The following EXOC6 variants were observed in gnomAD, a reference collection of about 807,000 sequenced individuals.
EXOC6 encodes SEC15-like 1.
A neutral mutation model predicts 112.5 loss-of-function variants in EXOC6; 60 were observed. The ratio of observed to expected loss-of-function variants is 0.53; its 90% CI spans 0.43 to 0.66. The LOEUF (loss-of-function observed/expected upper bound fraction) is 0.66. Among genes scored for constraint, EXOC6 ranks in the 30% least tolerant of loss-of-function variants. The pLI, the probability that EXOC6 is intolerant of heterozygous loss-of-function variation, is 0.00. For synonymous variants in EXOC6, 295 were observed against 308.0 expected, an observed-to-expected ratio of 0.96 and a Z score of 0.44; for missense variants, 855 against 957.1, an observed-to-expected ratio of 0.89 and a Z score of 1.41.
At chr10:93,031,957 C>T (rs568319432) in intron 20 of EXOC6, among the ~76,000 whole-genome samples, 5 of 152,316 alleles carry the variant, frequency 3.3e-5, no homozygotes, top group African/African-American at 1.2e-4. Flanking sequence ...CAATATAATA[C>T]ACTGCAAGAG....
At chr10:93,024,210 G>A (rs1844914868) in intron 20 of EXOC6, among the ~76,000 whole-genome samples, 1 of 152,106 alleles carries the variant, frequency 6.6e-6, no homozygotes, top group African/African-American at 2.4e-5. Flanking sequence ...AGTTTAGGTA[G>A]GTCAAATGAT....
chr10:93,026,345 C>T (rs371875407), intron 20 of EXOC6, among the ~76,000 whole-genome samples: 1 of 152,148 alleles, frequency 6.6e-6, no homozygotes, highest in Admixed American at 6.6e-5. Flanking sequence ...TATACTTCAG[C>T]CATCAGTGTA....
chr10:92,978,496 A>T (rs1842716206), intron 18 of EXOC6, among the ~76,000 whole-genome samples: 1 of 152,218 alleles, frequency 6.6e-6, no homozygotes, highest in South Asian at 2.1e-4. Context: ...AGCAAAAATA[A>T]TAAATTATTG....
At chr10:92,995,393 G>A (rs900504950) in intron 18 of EXOC6, among the ~76,000 whole-genome samples, 1 of 142,588 alleles carries the variant, frequency 7.0e-6, no homozygotes, top group African/African-American at 2.6e-5. Flanking sequence ...TGTACAGTGT[G>A]TTTGCTTATG....
chr10:92,893,443 T>G lies in EXOC6; in HGVS notation c.196T>G (p.Cys66Gly). 1 of 1,613,030 alleles carries G rather than the reference T, an allele frequency of 6.2e-7. No homozygotes were observed. The highest frequency in any genetic ancestry group is 8.5e-7 in the Non-Finnish European group (1 of 1,179,256). The change falls in exon 2 of 22, where the codon TGT (cysteine) becomes GGT (glycine). Residue 66 changes from cysteine (C) to glycine (G), a missense_variant. Coordinates refer to ENST00000260762, the MANE Select transcript of EXOC6 (RefSeq NM_019053.6). ...RNHDKEIEKMCNFHHQGFVDA... is the reference protein window; with the variant it reads ...RNHDKEIEKMGNFHHQGFVDA... ...TCATGACAAGGAAATTGAAAAGATG[T>G]GTAATTTTCATCATCAGGGTTTTGT...
At chr10:93,054,125 G>A (rs757352004) in intron 20 of EXOC6, among the ~76,000 whole-genome samples, 43 of 152,314 alleles carry the variant, frequency 2.8e-4, no homozygotes, top group Middle Eastern at 3.4e-3. Context: ...CTAGGATTCT[G>A]TGTGAATAGC....
intron 18 of EXOC6, among the ~76,000 whole-genome samples, chr10:92,980,040 G>T (rs1319947750): frequency 1.3e-5 from 2 of 151,972 alleles, no homozygotes; most frequent in African/African-American, 4.8e-5. Context: ...AGTATTGATA[G>T]AAATAACAAA....
At chr10:92,883,723 G>A (rs1849073200) in intron 1 of EXOC6, among the ~76,000 whole-genome samples, 1 of 152,088 alleles carries the variant, frequency 6.6e-6, no homozygotes, top group Non-Finnish European at 1.5e-5. Flanking sequence ...ATTTTTTATT[G>A]ATAGAAATGC....
chr10:92,915,658 G>A, intron 6 of EXOC6, 100 bp from the exon 7 acceptor site: 1 of 693,956 alleles, frequency 1.4e-6, no homozygotes, highest in Non-Finnish European at 2.2e-6. Flanking sequence ...TATACCTACA[G>A]ACATTAAAAA....
chr10:92,845,711 G>A (rs967346801), upstream of EXOC6, among the ~76,000 whole-genome samples: 6 of 152,086 alleles, frequency 3.9e-5, no homozygotes, highest in African/African-American at 1.2e-4. Flanking sequence ...GGCCGAGGCG[G>A]GCAGATCACC....
intron 20 of EXOC6, among the ~76,000 whole-genome samples, chr10:93,039,051 G>A (rs1005976095): frequency 2.0e-5 from 3 of 152,052 alleles, no homozygotes; most frequent in Non-Finnish European, 1.5e-5. Context: ...GGTCATGGTG[G>A]CTCATGCCTG....
At chr10:92,917,329 G>A (rs377740862) in intron 7 of EXOC6, among the ~76,000 whole-genome samples, 1 of 151,572 alleles carries the variant, frequency 6.6e-6, no homozygotes, top group East Asian at 1.9e-4. Flanking sequence ...ATTTCGTAAT[G>A]TCTTGTCATT....
Position 93,058,451 on chromosome 10 carries a change from C to A in EXOC6, c.*96C>A. ...TGATACAGTAATTTGTTTACAGAATCCAAAAATACAATAGAGAAGATACAT... is the reference window on the plus strand; with the variant it reads ...TGATACAGTAATTTGTTTACAGAATACAAAAATACAATAGAGAAGATACAT... On this transcript the variant is annotated 3_prime_UTR_variant, in exon 22 of 22. Coordinates refer to ENST00000260762, the MANE Select transcript of EXOC6 (RefSeq NM_019053.6). The A allele has an allele frequency of 6.7e-6, 7 of 1,039,684 alleles. No homozygotes were observed. The highest frequency in any genetic ancestry group is 9.2e-6 in the Non-Finnish European group (7 of 757,156). The allele number at this position is 1,039,684 out of a possible 1,614,324, so 64.4% of individuals were successfully genotyped here.
At chr10:92,948,554 T>TTACTACTACTACTACTACCACTAC (rs1252050191) in intron 14 of EXOC6, among the ~76,000 whole-genome samples, 175 bp downstream of exon 14, 2 of 126,316 alleles carry the variant, frequency 1.6e-5, no homozygotes, top group Admixed American at 8.4e-5. Context: ...GAGTATGTTA[T>TTACTACTACTACTACTACCACTAC]TACTACTACT....
At chr10:92,864,650 G>A (rs1172164599) in intron 1 of EXOC6, among the ~76,000 whole-genome samples, 3 of 117,836 alleles carry the variant, frequency 2.5e-5, no homozygotes, top group African/African-American at 1.1e-4. Flanking sequence ...AATCCACTGA[G>A]GCCTCAAATG....
chr10:92,948,573 C>CCCTACTACT (rs1554900785), intron 14 of EXOC6, among the ~76,000 whole-genome samples, 194 bp downstream of exon 14: 4 of 140,174 alleles, frequency 2.9e-5, no homozygotes, highest in African/African-American at 1.1e-4. Context: ...CTACTACTAC[C>CCCTACTACT]ACTACTACTA....
chr10:93,022,790 T>G (rs1010585123), intron 20 of EXOC6, among the ~76,000 whole-genome samples: 1 of 124,860 alleles, frequency 8.0e-6, no homozygotes, highest in African/African-American at 2.8e-5. Context: ...GTGATAAAAG[T>G]TTTTTTTTTA....
At chr10:92,919,550 T>C (rs1210768409) in intron 7 of EXOC6, among the ~76,000 whole-genome samples, 1 of 152,158 alleles carries the variant, frequency 6.6e-6, no homozygotes, top group African/African-American at 2.4e-5. Flanking sequence ...ATACTGATAG[T>C]GTCTTTAATT....
At chr10:93,013,858 A>G (rs894915007) in intron 19 of EXOC6, among the ~76,000 whole-genome samples, 3 of 152,206 alleles carry the variant, frequency 2.0e-5, no homozygotes, top group Admixed American at 1.3e-4. Flanking sequence ...TGCTTCTACA[A>G]TCGTTCACCT....
Sources: allele counts gnomAD v4.1 joint callset (sites outside exome capture counted in the v4.1 genomes callset), GRCh38; gene constraint gnomAD v4.1.1; transcripts MANE v1.5; gene names NCBI Gene and HGNC (gene_info 2026-07-23, HGNC 2026-07-21).